The following CLCN3 variants were observed in gnomAD, a reference collection of about 807,000 sequenced individuals.
CLCN3 encodes the protein Cl-/H+ antiporter 3, also known as H(+)/Cl(-) exchange transporter 3.
CLCN3 carries 16 observed loss-of-function variants against 83.4 expected under a neutral mutation model. The ratio of observed to expected loss-of-function variants is 0.19; its 90% CI spans 0.13 to 0.29. The LOEUF (loss-of-function observed/expected upper bound fraction) is 0.29, where lower values mean the gene tolerates loss of function less well. Ranked by LOEUF, CLCN3 falls within the 10% of genes least tolerant of loss-of-function variation. The pLI is 1.00. For missense variants in CLCN3, 544 were observed against 1,006.0 expected, an observed-to-expected ratio of 0.54 and a Z score of 6.21; for synonymous variants, 322 against 346.2, an observed-to-expected ratio of 0.93 and a Z score of 0.78.
intron 2 of CLCN3, among the ~76,000 whole-genome samples, chr4:169,641,409 C>T (rs754022106): frequency 6.6e-6 from 1 of 152,196 alleles, no homozygotes; most frequent in African/African-American, 2.4e-5. Context: ...ATATATGTAA[C>T]ATTCTGAGCT....
chr4:169,697,139 A>T (rs370353344), intron 8 of CLCN3, 50 bp from the exon 9 acceptor site: 13 of 1,311,022 alleles, frequency 9.9e-6, no homozygotes, highest in Middle Eastern at 2.7e-4. Context: ...TATCAGAAAC[A>T]TCTTATAAAA....
chr4:169,630,717 C>T (rs1773348073), intron 1 of CLCN3, among the ~76,000 whole-genome samples: 1 of 151,920 alleles, frequency 6.6e-6, no homozygotes. Context: ...TTTTTTAGTA[C>T]AGGGTTTCAC....
At chr4:169,635,486 A>G (rs897278505) in intron 1 of CLCN3, among the ~76,000 whole-genome samples, 4 of 151,894 alleles carry the variant, frequency 2.6e-5, no homozygotes, top group African/African-American at 4.9e-5. Context: ...TTTTAATTGT[A>G]GTATTTATTT....
intron 1 of CLCN3, among the ~76,000 whole-genome samples, chr4:169,627,203 C>A (rs1188974917): frequency 6.6e-6 from 1 of 152,154 alleles, no homozygotes; most frequent in Non-Finnish European, 1.5e-5. Context: ...TGGTCCTTTA[C>A]CTCTTACATA....
At chr4:169,682,300 C>T (rs1388406618) in intron 3 of CLCN3, among the ~76,000 whole-genome samples, 1 of 152,126 alleles carries the variant, frequency 6.6e-6, no homozygotes, top group Non-Finnish European at 1.5e-5. Flanking sequence ...TATTGGGAAC[C>T]TATCATCCTC....
intron 2 of CLCN3, among the ~76,000 whole-genome samples, chr4:169,643,633 G>A (rs1040735093): frequency 6.6e-6 from 1 of 150,606 alleles, no homozygotes; most frequent in African/African-American, 2.4e-5. Context: ...CCATGGACTC[G>A]AGTGATCCTC....
intron 2 of CLCN3, among the ~76,000 whole-genome samples, chr4:169,647,258 T>C (rs1037981358): frequency 6.6e-6 from 1 of 151,990 alleles, no homozygotes; most frequent in Non-Finnish European, 1.5e-5. Context: ...GACATGGTGG[T>C]GCTTGTCTGT....
chr4:169,698,440 CTG>C (rs1470827315), intron 9 of CLCN3, among the ~76,000 whole-genome samples: 6 of 152,230 alleles, frequency 3.9e-5, no homozygotes, highest in Admixed American at 1.3e-4. Context: ...TCCTCTCTCT[CTG>C]TGGTTTTCTA....
chr4:169,683,726 C>T (rs1172607123), intron 3 of CLCN3, among the ~76,000 whole-genome samples: 2 of 151,146 alleles, frequency 1.3e-5, no homozygotes, highest in Non-Finnish European at 2.9e-5. Flanking sequence ...TATATACTTA[C>T]TATTGTTCTT....
intron 4 of CLCN3, 97 bp from the exon 5 acceptor site, chr4:169,688,946 A>G: frequency 1.1e-6 from 1 of 916,010 alleles, no homozygotes; most frequent in Admixed American, 2.6e-5. Flanking sequence ...CCCTTTATTT[A>G]GGAGTCTCCT....
intron 2 of CLCN3, among the ~76,000 whole-genome samples, chr4:169,651,630 T>C (rs889527736): frequency 3.9e-5 from 6 of 152,202 alleles, no homozygotes; most frequent in Admixed American, 3.9e-4. Context: ...ATAGTTGTGC[T>C]ACTGTATTGC....
chr4:169,708,887 A>G (rs561162168), intron 11 of CLCN3, among the ~76,000 whole-genome samples: 2 of 151,170 alleles, frequency 1.3e-5, no homozygotes, highest in East Asian at 3.9e-4. Context: ...ATGTTTTTGT[A>G]AAGTTTTAAA....
intron 7 of CLCN3, among the ~76,000 whole-genome samples, chr4:169,695,088 G>T (rs1248294763): frequency 1.3e-5 from 2 of 152,096 alleles, no homozygotes; most frequent in African/African-American, 4.8e-5. Flanking sequence ...TTCAGAATGA[G>T]GCTCTCTAGA....
intron 10 of CLCN3, 138 bp from the exon 11 acceptor site, chr4:169,706,730 G>T: frequency 3.2e-6 from 2 of 629,954 alleles, no homozygotes; most frequent in Non-Finnish European, 5.6e-6. Context: ...AAGAGGAGTA[G>T]CAGTTTTAGA....
At chr4:169,637,245 A>G (rs1284818235) in intron 2 of CLCN3, among the ~76,000 whole-genome samples, 1 of 152,012 alleles carries the variant, frequency 6.6e-6, no homozygotes, top group Non-Finnish European at 1.5e-5. Flanking sequence ...CCTTTTTCAG[A>G]TACATGTACG....
chr4:169,640,673 A>T (rs1037387140), intron 2 of CLCN3, among the ~76,000 whole-genome samples: 1 of 152,204 alleles, frequency 6.6e-6, no homozygotes, highest in Non-Finnish European at 1.5e-5. Context: ...AGGGAGAGCC[A>T]AGATTTTGTT....
chr4:169,628,388 A>G (rs1040527902), intron 1 of CLCN3, among the ~76,000 whole-genome samples: 2 of 152,218 alleles, frequency 1.3e-5, no homozygotes, highest in African/African-American at 4.8e-5. Context: ...AGAGGGGAGA[A>G]AATATTTGCA....
At position 169,689,107 on chromosome 4, in the gene CLCN3, C is replaced by T. The variant is rs747759797; in HGVS notation, c.483C>T (p.Cys161=). The stretch of plus-strand genomic sequence containing the variant: ...TGACTGACCTAAAGGAGGGCATTTG[C>T]CTTAGTGCGTTGTGGTACAACCACG... ...DWMTDLKEGI[C]LSALWYNHEQ... is the part of the protein sequence containing the mutation. The change falls in exon 5 of 13, where the codon TGC becomes TGT. Residue 161 remains cysteine (C), a synonymous_variant. Transcript: ENST00000513761. The T allele has an allele frequency of 6.2e-7, 1 of 1,613,680 alleles. No homozygotes were observed. Among genetic ancestry groups the T allele is most frequent in the African/African-American group, 1.3e-5 (1 of 75,004 alleles).
intron 1 of CLCN3, 123 bp from the exon 2 acceptor site, chr4:169,635,790 G>A (rs1397222394): frequency 1.7e-6 from 1 of 602,238 alleles, no homozygotes. Flanking sequence ...GGTAACTATT[G>A]TTACAGTGAA....
Sources: allele counts gnomAD v4.1 joint callset (sites outside exome capture counted in the v4.1 genomes callset), GRCh38; gene constraint gnomAD v4.1.1; transcripts MANE v1.5; gene names NCBI Gene and HGNC (gene_info 2026-07-23, HGNC 2026-07-21).